Variants in PALS2 observed in about 807,000 individuals in gnomAD.
PALS2 encodes protein associated with LIN7 2, MAGUK p55 family member.
PALS2 carries 27 observed loss-of-function variants against 61.6 expected under a neutral mutation model. The observed-to-expected ratio is 0.44, with a 90% CI of 0.32 to 0.60. The LOEUF is 0.60. Among genes scored for constraint, PALS2 ranks in the 20% least tolerant of loss-of-function variants. The probability of loss-of-function intolerance (pLI) is 0.05; values close to 1 mark genes in which losing one functional copy is unlikely to be tolerated. For missense variants in PALS2, 554 were observed against 639.4 expected (o/e 0.87, Z 1.44); for synonymous variants, 236 against 218.6 (o/e 1.08, Z -0.70).
At chr7:24,637,564 A>G (rs1450926954) in intron 2 of PALS2, among the ~76,000 whole-genome samples, 1 of 152,180 alleles carries the variant, frequency 6.6e-6, no homozygotes, top group East Asian at 1.9e-4. Flanking sequence ...TACTACATAC[A>G]TAGCTCTTTT....
intron 1 of PALS2, among the ~76,000 whole-genome samples, chr7:24,614,191 T>C (rs1435759207): frequency 6.6e-6 from 1 of 151,874 alleles, no homozygotes. Flanking sequence ...GCTGTACTAG[T>C]TTACATTTCC....
chr7:24,653,595 A>C lies in PALS2; in HGVS notation c.651+2883A>C, dbSNP rs116653188. 5.9e-5 allele frequency among the ~76,000 whole-genome samples: 9 copies of C among 152,210 alleles called. No homozygotes were observed. In the East Asian group the frequency reaches 1.7e-3, roughly 29 times the overall value. ...AAAAAGCCCTCACAAACCATGAAAA[A>C]CTTGCCAGATTTCAAGCACAATTGT... On this transcript the variant is annotated intron_variant, in intron 5 of 11. Coordinates refer to ENST00000222644, the MANE Select transcript of PALS2 (RefSeq NM_001303037.2).
chr7:24,615,782 C>G (rs538554872), intron 1 of PALS2, among the ~76,000 whole-genome samples: 1 of 152,070 alleles, frequency 6.6e-6, no homozygotes, highest in South Asian at 2.1e-4. Context: ...GACCAATATC[C>G]CTACTGAACA....
In PALS2 at chr7:24,638,476, G is replaced by A. The variant is rs1297703499; in HGVS notation, c.118-3240G>A. Among the ~76,000 whole-genome samples the A allele has an allele frequency of 1.5e-4, 11 of 75,298 alleles. 4 individuals carry two copies. In the East Asian group the frequency reaches 7.3e-3, roughly 50 times the overall value. 49.4% of individuals were successfully genotyped at this position (75,298 alleles called of 152,430 possible). On this transcript the variant is annotated intron_variant, in intron 2 of 11. Coordinates refer to ENST00000222644, the MANE Select transcript of PALS2 (RefSeq NM_001303037.2). ...CTCCCAAGTAGCTGGGACCACAGGC[G>A]CCCGCCACTACGCCCGGCTAATTTT...
At chr7:24,647,145 T>A (rs1247217784) in intron 3 of PALS2, among the ~76,000 whole-genome samples, 2 of 151,002 alleles carry the variant, frequency 1.3e-5, no homozygotes, top group Non-Finnish European at 2.9e-5. Context: ...TAATTTAATT[T>A]AATTAATTTT....
At chr7:24,611,181 A>G (rs969438370) in intron 1 of PALS2, among the ~76,000 whole-genome samples, 2 of 152,180 alleles carry the variant, frequency 1.3e-5, no homozygotes, top group African/African-American at 2.4e-5. Flanking sequence ...AGGCGAATAA[A>G]TAACACTTTT....
intron 5 of PALS2, among the ~76,000 whole-genome samples, chr7:24,659,505 T>G (rs1400999773): frequency 6.6e-6 from 1 of 152,216 alleles, no homozygotes; most frequent in Non-Finnish European, 1.5e-5. Context: ...ACATCTGTTA[T>G]TTTTTGACAT....
Position 24,689,442 on chromosome 7 carries a change from C to T in PALS2, c.*1828C>T, listed in dbSNP as rs78831923. 6.6e-6 allele frequency: 1 copy of T among 152,050 alleles called. No homozygotes were observed. The highest frequency in any genetic ancestry group is 6.5e-5 in the Admixed American group (1 of 15,268). The allele number at this position is 152,050 out of a possible 1,614,324, so 9.4% of individuals were successfully genotyped here. On this transcript the variant is annotated 3_prime_UTR_variant, in exon 12 of 12. Transcript: ENST00000222644. Reference sequence around the variant, plus strand: ...CCCTCACCAAAGTTGTCATTTGGAACGCCAGCTGGGAGGACTTTGAAGGAA... The same window carrying T: ...CCCTCACCAAAGTTGTCATTTGGAATGCCAGCTGGGAGGACTTTGAAGGAA...
Sources: gnomAD v4.1 joint callset for allele counts (sites outside exome capture counted in the v4.1 genomes callset) on GRCh38, gnomAD v4.1.1 for gene constraint, MANE v1.5 for transcripts, NCBI Gene and HGNC (gene_info 2026-07-23, HGNC 2026-07-21) for gene names.